Variants in MALRD1 observed in about 807,000 individuals in gnomAD.
The protein encoded by MALRD1 is MAM and LDL-receptor class A domain-containing protein 1.
A neutral mutation model predicts 242.1 loss-of-function variants in MALRD1; 247 were observed. The ratio of observed to expected loss-of-function variants is 1.02; its 90% confidence interval spans 0.92 to 1.13. MALRD1 has a LOEUF of 1.13. Among genes scored for constraint, MALRD1 ranks in the 50% most tolerant of loss-of-function variants. MALRD1 has a pLI of 0.00. For synonymous variants in MALRD1, 995 were observed against 866.6 expected (o/e 1.15, Z -2.60); for missense variants, 2,989 against 2,533.1 (o/e 1.18, Z -3.86).
At chr10:19,183,405 T>C (rs562718224) in intron 14 of MALRD1, among the ~76,000 whole-genome samples, 1 of 152,140 alleles carries the variant, frequency 6.6e-6, no homozygotes, top group East Asian at 1.9e-4. Context: ...GAGACCTTAA[T>C]TGCTTGAAAA....
intron 28 of MALRD1, among the ~76,000 whole-genome samples, chr10:19,448,153 G>A (rs1835106005): frequency 6.6e-6 from 1 of 151,952 alleles, no homozygotes; most frequent in African/African-American, 2.4e-5. Context: ...TGAATGTCCA[G>A]CTCCTTGGTA....
At chr10:19,086,435 T>C (rs1357104040) in intron 2 of MALRD1, among the ~76,000 whole-genome samples, 1 of 152,048 alleles carries the variant, frequency 6.6e-6, no homozygotes, top group Non-Finnish European at 1.5e-5. Flanking sequence ...TCAGATTATA[T>C]GCTAGAACTC....
chr10:19,679,389 G>A (rs1321472631), intron 36 of MALRD1, among the ~76,000 whole-genome samples: 2 of 152,140 alleles, frequency 1.3e-5, no homozygotes, highest in African/African-American at 4.8e-5. Context: ...CGTCTTGGCA[G>A]GGTGTATGTG....
In MALRD1 at chr10:19,557,465, A is replaced by G. The variant is rs879154220; in HGVS notation, c.5479-10037A>G. ...AATTTTGAGTTAATTTTGGTAACACATGTATACTCTGTGTCTAGATTCTTT... is the reference window on the plus strand; with the variant it reads ...AATTTTGAGTTAATTTTGGTAACACGTGTATACTCTGTGTCTAGATTCTTT... On this transcript the variant is annotated intron_variant, in intron 32 of 39. Transcript: ENST00000454679. 2.0e-5 allele frequency among the ~76,000 whole-genome samples: 3 copies of G among 152,078 alleles called. No homozygotes were observed. In the South Asian group the frequency reaches 6.2e-4, roughly 32 times the overall value.
chr10:19,390,385 G>T (rs976591326), intron 28 of MALRD1, among the ~76,000 whole-genome samples: 4 of 152,124 alleles, frequency 2.6e-5, no homozygotes, highest in East Asian at 1.9e-4. Context: ...ACATGAAACT[G>T]CTTATTAACT....
At chr10:19,650,734 G>C (rs910238706) in intron 36 of MALRD1, among the ~76,000 whole-genome samples, 1 of 152,178 alleles carries the variant, frequency 6.6e-6, no homozygotes, top group Non-Finnish European at 1.5e-5. Context: ...TAATGTCTCT[G>C]TAATCGCATT....
chr10:19,576,688 C>A (rs1836842836), intron 33 of MALRD1, among the ~76,000 whole-genome samples: 1 of 152,126 alleles, frequency 6.6e-6, no homozygotes, highest in South Asian at 2.1e-4. Context: ...CCCTTATCCC[C>A]TCATCTCCAT....
intron 2 of MALRD1, among the ~76,000 whole-genome samples, chr10:19,067,061 T>C (rs1479270406): frequency 6.6e-6 from 1 of 152,198 alleles, no homozygotes; most frequent in Non-Finnish European, 1.5e-5. Flanking sequence ...TTTCAAAATA[T>C]TTATGATTTT....
intron 30 of MALRD1, among the ~76,000 whole-genome samples, chr10:19,495,780 C>T (rs935610239): frequency 6.6e-5 from 10 of 152,088 alleles, no homozygotes; most frequent in Non-Finnish European, 1.5e-5. Flanking sequence ...CACAGAGTGG[C>T]AAGCTATATA....
chr10:19,593,651 C>T (rs1053922076), intron 33 of MALRD1, among the ~76,000 whole-genome samples: 4 of 152,226 alleles, frequency 2.6e-5, no homozygotes, highest in East Asian at 3.9e-4. Context: ...CAATTAGTTC[C>T]GTTCTATATG....
chr10:19,521,689 T>A (rs969180971), intron 31 of MALRD1, among the ~76,000 whole-genome samples: 32 of 152,168 alleles, frequency 2.1e-4, no homozygotes, highest in African/African-American at 7.7e-4. Context: ...TTATGATTTT[T>A]AAAATTGTAA....
At chr10:19,666,040 C>G (rs1376298469) in intron 36 of MALRD1, among the ~76,000 whole-genome samples, 1 of 152,108 alleles carries the variant, frequency 6.6e-6, no homozygotes, top group Non-Finnish European at 1.5e-5. Flanking sequence ...TCCTCTTCAT[C>G]CCTCCTTGCT....
chr10:19,463,917 A>C (rs2131107119), intron 29 of MALRD1, among the ~76,000 whole-genome samples: 1 of 152,256 alleles, frequency 6.6e-6, no homozygotes, highest in Non-Finnish European at 1.5e-5. Flanking sequence ...TTCTTGCAGT[A>C]GTAAGGTGGT....
intron 23 of MALRD1, among the ~76,000 whole-genome samples, chr10:19,329,913 A>G (rs1330542456): frequency 6.6e-6 from 1 of 152,178 alleles, no homozygotes; most frequent in Non-Finnish European, 1.5e-5. Context: ...GATTGTACCT[A>G]TATGGCAGAA....
At chr10:19,655,862 T>C (rs191618724) in intron 36 of MALRD1, among the ~76,000 whole-genome samples, 1 of 152,194 alleles carries the variant, frequency 6.6e-6, no homozygotes, top group African/African-American at 2.4e-5. Flanking sequence ...TCTGAGTAAG[T>C]ATCTGGGTCT....
intron 18 of MALRD1, among the ~76,000 whole-genome samples, chr10:19,230,930 A>C (rs1213084065): frequency 6.6e-6 from 1 of 152,168 alleles, no homozygotes; most frequent in Non-Finnish European, 1.5e-5. Flanking sequence ...ACTGGCCATG[A>C]AATAGCTCTG....
chr10:19,337,044 A>G (rs1202251173), intron 24 of MALRD1, among the ~76,000 whole-genome samples: 3 of 152,108 alleles, frequency 2.0e-5, no homozygotes, highest in Non-Finnish European at 4.4e-5. Context: ...TTGTGTGTGT[A>G]TATGTATTAC....
chr10:19,620,037 A>T (rs1029905375), intron 36 of MALRD1, among the ~76,000 whole-genome samples: 15 of 146,596 alleles, frequency 1.0e-4, no homozygotes, highest in African/African-American at 4.0e-4. Context: ...ATAATAATAT[A>T]TTGTTTATAT....
intron 26 of MALRD1, among the ~76,000 whole-genome samples, chr10:19,378,553 G>A (rs1845702238): frequency 6.6e-6 from 1 of 152,118 alleles, no homozygotes; most frequent in African/African-American, 2.4e-5. Context: ...AGATATTTCA[G>A]AAGACAAATA....
Sources: allele counts gnomAD v4.1 joint callset (sites outside exome capture counted in the v4.1 genomes callset), GRCh38; gene constraint gnomAD v4.1.1; transcripts MANE v1.5; gene names NCBI Gene and HGNC (gene_info 2026-07-23, HGNC 2026-07-21).